Variants in PLA2G5 observed in about 807,000 individuals in gnomAD.
PLA2G5 encodes Ca2+-dependent phospholipase A2.
PLA2G5 carries 12 observed loss-of-function variants against 15.9 expected under a neutral mutation model. That is an observed-to-expected ratio of 0.76 (90% CI 0.48 to 1.23). The LOEUF (loss-of-function observed/expected upper bound fraction) is 1.23, where lower values mean the gene tolerates loss of function less well. Among genes scored for constraint, PLA2G5 ranks in the 50% most tolerant of loss-of-function variants. The probability of loss-of-function intolerance (pLI) is 0.00; values close to 1 mark genes in which losing one functional copy is unlikely to be tolerated. For missense variants in PLA2G5, 169 were observed against 177.1 expected (o/e 0.95, Z 0.26); for synonymous variants, 71 against 71.4 (o/e 0.99, Z 0.03).
chr1:20,068,221 G>A (rs114766773), upstream of PLA2G5, among the ~76,000 whole-genome samples: 151 of 152,232 alleles, frequency 9.9e-4, 2 homozygotes, highest in African/African-American at 3.6e-3. Flanking sequence ...CTTTCCTTAC[G>A]GGTAAATAAA....
chr1:20,047,617 G>T lies in PLA2G5; in HGVS notation n.277-12015G>T, dbSNP rs569212646. On this transcript the variant is annotated intron_variant and non_coding_transcript_variant, in intron 1 of 6. Coordinates refer to the PLA2G5 transcript ENST00000460175. ...AAATCTGCTGTTATTTTTCTATTAA[G>T]ATAAAAACCACTGTTTGGATCCAAC... Among the ~76,000 whole-genome samples, 6 of 151,978 alleles carry T rather than the reference G, an allele frequency of 3.9e-5. No homozygotes were observed. In the South Asian group the frequency reaches 1.2e-3, roughly 32 times the overall value.
chr1:20,043,823 G>A (rs1426768639), intron 1 of PLA2G5, among the ~76,000 whole-genome samples: 2 of 152,188 alleles, frequency 1.3e-5, no homozygotes, highest in Non-Finnish European at 1.5e-5. Context: ...AGAAGGTAAT[G>A]TGGAGAGGGT....
intron 3 of PLA2G5, among the ~76,000 whole-genome samples, chr1:20,087,531 CG>C (rs11573268): frequency 0.079 from 11,925 of 151,848 alleles, 525 homozygotes; most frequent in Admixed American, 0.14. Flanking sequence ...GTAGCATATA[CG>C]TTTTTTTTTT....
upstream of PLA2G5, among the ~76,000 whole-genome samples, chr1:20,065,233 T>G (rs1169092020): frequency 3.3e-5 from 5 of 152,236 alleles, no homozygotes; most frequent in African/African-American, 1.2e-4. Flanking sequence ...CATGAATTAG[T>G]GTGGCACACT....
chr1:20,044,046 G>A (rs1383014900), intron 1 of PLA2G5, among the ~76,000 whole-genome samples: 1 of 152,192 alleles, frequency 6.6e-6, no homozygotes, highest in Non-Finnish European at 1.5e-5. Context: ...TGGGTGAGCT[G>A]GGCAGTCTGA....
At chr1:20,043,077 G>A (rs1228670488) in intron 1 of PLA2G5, among the ~76,000 whole-genome samples, 2 of 152,154 alleles carry the variant, frequency 1.3e-5, no homozygotes, top group Admixed American at 6.5e-5. Context: ...TAGGTATGTT[G>A]TTGAGACTGA....
At chr1:20,082,812 G>A (rs1388907389) in intron 1 of PLA2G5, among the ~76,000 whole-genome samples, 3 of 151,962 alleles carry the variant, frequency 2.0e-5, no homozygotes, top group Non-Finnish European at 4.4e-5. Context: ...AAAATCAAAA[G>A]CATGTTTAGT....
chr1:20,059,715 AT>A (rs2014613697), intron 2 of PLA2G5: 4 of 152,208 alleles, frequency 2.6e-5, no homozygotes, highest in Admixed American at 2.0e-4. Flanking sequence ...CCATTTTAAG[AT>A]TCTGCCTATC....
rs183846431 is a variant in PLA2G5, at chr1:20,087,437, A to G, written c.185+1210A>G. On this transcript the variant is annotated intron_variant, in intron 3 of 4. Coordinates refer to ENST00000375108, the MANE Select transcript of PLA2G5 (RefSeq NM_000929.3). ...GAGACGGAGTCTTGCTCTGTCGCCC[A>G]GGCTGGAGTGCAGTGGCGCAATCTC... 7.5e-3 allele frequency among the ~76,000 whole-genome samples: 1,136 copies of G among 152,012 alleles called. 8 individuals are homozygous for G. The highest frequency in any genetic ancestry group is 0.012 in the Non-Finnish European group (792 of 67,988).
intron 1 of PLA2G5, among the ~76,000 whole-genome samples, chr1:20,078,624 C>T (rs1041590772): frequency 2.0e-5 from 3 of 152,092 alleles, no homozygotes; most frequent in African/African-American, 7.2e-5. Context: ...GTGCCTGGCA[C>T]GTAGTAGACA....
chr1:20,052,884 T>C (rs1355474303), intron 1 of PLA2G5, among the ~76,000 whole-genome samples: 1 of 152,206 alleles, frequency 6.6e-6, no homozygotes, highest in Non-Finnish European at 1.5e-5. Flanking sequence ...GAGAGGCTAA[T>C]GCGAAACTCA....
At chr1:20,033,915 G>A (rs532754209) in intron 1 of PLA2G5, among the ~76,000 whole-genome samples, 17 of 152,170 alleles carry the variant, frequency 1.1e-4, no homozygotes, top group Admixed American at 7.2e-4. Flanking sequence ...ATTCACAGTC[G>A]GAAGTATCCC....
chr1:20,060,771 G>A (rs1322833264), intron 2 of PLA2G5, among the ~76,000 whole-genome samples: 1 of 147,950 alleles, frequency 6.8e-6, no homozygotes, highest in African/African-American at 2.5e-5. Context: ...TTTTGGTCTT[G>A]TTGCCCAGGC....
In PLA2G5 at chr1:20,070,209, AG is replaced by A. The variant is rs2015279718; in HGVS notation, c.-264del. 1 of 985,414 alleles carries A rather than the reference AG, an allele frequency of 1.0e-6. No individual in the cohort carries two copies. The highest frequency in any genetic ancestry group is 1.2e-6 in the Non-Finnish European group (1 of 830,020). 61.0% of individuals were successfully genotyped at this position (985,414 alleles called of 1,614,324 possible). A position where few individuals can be genotyped will look rare whatever the true frequency, so the allele number is the denominator to read the frequency against. ...CTGCAAAGGCAGTCGGGGGCTGAGC[AG>A]GGTTCTACCCGGCTGGGTCCAGGCA... On this transcript the variant is annotated 5_prime_UTR_variant, in exon 1 of 5. Transcript: ENST00000375108.
chr1:20,051,610 A>G (rs1195606080), intron 1 of PLA2G5, among the ~76,000 whole-genome samples: 2 of 152,368 alleles, frequency 1.3e-5, no homozygotes, highest in African/African-American at 4.8e-5. Context: ...AACTTATGGC[A>G]ATACAGTTAA....
At chr1:20,057,063 C>T (rs2014469017) in intron 1 of PLA2G5, among the ~76,000 whole-genome samples, 1 of 152,010 alleles carries the variant, frequency 6.6e-6, no homozygotes, top group Admixed American at 6.6e-5. Flanking sequence ...GTGATGGCCC[C>T]TCATTTATTT....
At chr1:20,060,804 G>A (rs1313106097) in intron 2 of PLA2G5, among the ~76,000 whole-genome samples, 1 of 149,550 alleles carries the variant, frequency 6.7e-6, no homozygotes, top group Non-Finnish European at 1.5e-5. Flanking sequence ...GCGCACCTCT[G>A]CCTCCCAGTT....
chr1:20,079,869 G>GAAGT (rs1263523077), intron 1 of PLA2G5, among the ~76,000 whole-genome samples: 1 of 152,188 alleles, frequency 6.6e-6, no homozygotes, highest in East Asian at 1.9e-4. Flanking sequence ...AGAACTGTAG[G>GAAGT]AAGTTAGCAC....
intron 3 of PLA2G5, among the ~76,000 whole-genome samples, chr1:20,086,889 G>T (rs1052847508): frequency 3.3e-5 from 5 of 152,192 alleles, no homozygotes; most frequent in Non-Finnish European, 7.3e-5. Context: ...GGGAGATTTT[G>T]CTCCTTGGAA....
Sources: gnomAD v4.1 joint callset for allele counts (sites outside exome capture counted in the v4.1 genomes callset) on GRCh38, gnomAD v4.1.1 for gene constraint, MANE v1.5 for transcripts, NCBI Gene and HGNC (gene_info 2026-07-23, HGNC 2026-07-21) for gene names.